KAT6A: variants seen among roughly 807,000 people sequenced by gnomAD.
KAT6A encodes lysine acetyltransferase 6A.
A neutral mutation model predicts 198.4 loss-of-function variants in KAT6A; 9 were observed. That is an observed-to-expected ratio of 0.05 (90% CI 0.03 to 0.08). The LOEUF (loss-of-function observed/expected upper bound fraction) is 0.08. Ranked by LOEUF, KAT6A falls within the 10% of genes least tolerant of loss-of-function variation. KAT6A has a pLI of 1.00. For missense variants in KAT6A, 2,077 were observed against 2,509.9 expected, an observed-to-expected ratio of 0.83 and a Z score of 3.69; for synonymous variants, 890 against 883.0, an observed-to-expected ratio of 1.01 and a Z score of -0.14.
intron 2 of KAT6A, among the ~76,000 whole-genome samples, chr8:41,994,146 T>C (rs774918858): frequency 1.3e-5 from 2 of 152,218 alleles, no homozygotes; most frequent in Admixed American, 6.5e-5. Flanking sequence ...TCCCATGATC[T>C]ATATAAAGTA....
rs562353300 is a variant in KAT6A at position 41,937,168 on chromosome 8, T to C, written c.3352+88A>G. ...CTTGCTTAGTGGGTTGTGTTCATTT[T>C]TCAGCCTTTTTACTGAAGGGTCTGT... is the stretch of plus-strand genomic sequence containing the variant. On this transcript the variant is annotated intron_variant, in intron 16 of 16. Transcript: ENST00000265713. 17 of 1,025,986 alleles carry C rather than the reference T, an allele frequency of 1.7e-5. No homozygotes were observed. In the African/African-American group the frequency reaches 2.7e-4, roughly 16 times the overall value. 63.6% of individuals were successfully genotyped at this position (1,025,986 alleles called of 1,614,324 possible). A position where few individuals can be genotyped will look rare whatever the true frequency, so the allele number is the denominator to read the frequency against.
intron 10 of KAT6A, 142 bp from the exon 11 acceptor site, chr8:41,948,054 A>T: frequency 1.7e-6 from 1 of 575,892 alleles, no homozygotes; most frequent in Non-Finnish European, 2.8e-6. Context: ...GGAACCTGGA[A>T]GCCATCCTTT....
chr8:41,960,297 A>C (rs994393047), intron 8 of KAT6A, among the ~76,000 whole-genome samples: 17 of 152,012 alleles, frequency 1.1e-4, no homozygotes, highest in African/African-American at 3.6e-4. Flanking sequence ...TGGTCTGGTT[A>C]GGCCGGGCGC....
At chr8:41,961,124 A>G (rs941377982) in intron 8 of KAT6A, among the ~76,000 whole-genome samples, 9 of 152,132 alleles carry the variant, frequency 5.9e-5, no homozygotes, top group Admixed American at 6.5e-5. Context: ...TCAAGCCTCC[A>G]ACACTGCTTA....
chr8:41,970,442 T>C (rs1377671293), intron 8 of KAT6A, among the ~76,000 whole-genome samples: 1 of 152,152 alleles, frequency 6.6e-6, no homozygotes, highest in Non-Finnish European at 1.5e-5. Context: ...TTAACTCTCT[T>C]TGGTCATCCT....
Position 41,932,563 on chromosome 8 carries a change from G to A in KAT6A, c.5657C>T (p.Ala1886Val). ...GRSPSAVAMQAGPRALAVQRG... is the reference protein window; with the variant it reads ...GRSPSAVAMQVGPRALAVQRG... ...CTGAACAGCCAGTGCGCGAGGGCCA[G>A]CCTGCATGGCAACTGCCGATGGGCT... Residue 1886 changes from alanine to valine, a missense_variant, in exon 17 of 17, where the codon GCT becomes GTT. Ala to Val is a moderately conservative substitution (Grantham distance 64). Coordinates refer to ENST00000265713, the MANE Select transcript of KAT6A (RefSeq NM_006766.5). The A allele has an allele frequency of 6.2e-7, 1 of 1,614,270 alleles. No homozygotes were observed. Among genetic ancestry groups the A allele is most frequent in the Non-Finnish European group, 8.5e-7 (1 of 1,180,044 alleles).
At chr8:41,966,365 G>A (rs936675655) in intron 8 of KAT6A, among the ~76,000 whole-genome samples, 5 of 152,010 alleles carry the variant, frequency 3.3e-5, no homozygotes, top group Non-Finnish European at 1.5e-5. Flanking sequence ...CAGTACAATA[G>A]TACAATAAGA....
At chr8:42,042,607 T>C (rs1340694523) in intron 2 of KAT6A, among the ~76,000 whole-genome samples, 1 of 152,190 alleles carries the variant, frequency 6.6e-6, no homozygotes, top group Non-Finnish European at 1.5e-5. Flanking sequence ...AGATGTAACT[T>C]AGAGTAGAAG....
intron 14 of KAT6A, chr8:41,942,126 A>G (rs62508250): frequency 0.011 from 2,318 of 202,942 alleles, 30 homozygotes; most frequent in Non-Finnish European, 0.016. Context: ...GAGCTATAAA[A>G]GTATGCATCA....
At chr8:42,041,586 A>C (rs906224491) in intron 2 of KAT6A, among the ~76,000 whole-genome samples, 4 of 152,104 alleles carry the variant, frequency 2.6e-5, no homozygotes, top group African/African-American at 9.7e-5. Context: ...AAAAATACAA[A>C]AATTAGGTAG....
chr8:42,035,323 A>G (rs1239106637), intron 2 of KAT6A, among the ~76,000 whole-genome samples: 1 of 152,218 alleles, frequency 6.6e-6, no homozygotes, highest in Non-Finnish European at 1.5e-5. Context: ...ATTCCATCTG[A>G]GCCATTGTGA....
intron 9 of KAT6A, among the ~76,000 whole-genome samples, chr8:41,950,357 A>C (rs1822601972): frequency 6.6e-6 from 1 of 152,230 alleles, no homozygotes; most frequent in Non-Finnish European, 1.5e-5. Flanking sequence ...CAGGTGACCT[A>C]CAACTGCCAG....
At chr8:41,952,444 C>T (rs572354252) in intron 9 of KAT6A, among the ~76,000 whole-genome samples, 4 of 152,276 alleles carry the variant, frequency 2.6e-5, no homozygotes, top group Non-Finnish European at 5.9e-5. Context: ...GAGTAGGTTT[C>T]GCAATGAACC....
At chr8:42,006,228 C>T (rs1825737160) in intron 2 of KAT6A, among the ~76,000 whole-genome samples, 1 of 152,278 alleles carries the variant, frequency 6.6e-6, no homozygotes, top group Admixed American at 6.5e-5. Flanking sequence ...TCTTAGCACT[C>T]TTGTAAGTAG....
At chr8:42,020,011 T>C (rs1222582832) in intron 2 of KAT6A, among the ~76,000 whole-genome samples, 2 of 152,208 alleles carry the variant, frequency 1.3e-5, no homozygotes, top group South Asian at 2.1e-4. Flanking sequence ...CATATTCAAA[T>C]GCAAATGAAT....
chr8:42,014,837 G>A (rs1410596246), intron 2 of KAT6A, among the ~76,000 whole-genome samples: 2 of 152,160 alleles, frequency 1.3e-5, no homozygotes, highest in Non-Finnish European at 2.9e-5. Context: ...AAATACTTCG[G>A]TACATGCAGT....
chr8:42,030,333 C>T (rs1173074211), intron 2 of KAT6A, among the ~76,000 whole-genome samples: 2 of 152,190 alleles, frequency 1.3e-5, no homozygotes, highest in African/African-American at 4.8e-5. Flanking sequence ...CGGCTCCAAG[C>T]CAATCCCAGC....
chr8:42,025,431 T>C (rs1476423781), intron 2 of KAT6A, among the ~76,000 whole-genome samples: 7 of 76,522 alleles, frequency 9.1e-5, no homozygotes, highest in Non-Finnish European at 1.4e-4. Flanking sequence ...TAGGCTGGTC[T>C]CGAACTCCTA....
Position 41,943,873 on chromosome 8 carries a change from C to T in KAT6A, c.2103G>A (p.Glu701=). 2 of 1,613,898 alleles carry T rather than the reference C, an allele frequency of 1.2e-6. No homozygotes were observed. Among genetic ancestry groups the T allele is most frequent in the Non-Finnish European group, 1.7e-6 (2 of 1,179,924 alleles). Residue 701 remains glutamate (E), a synonymous_variant, in exon 13 of 17, where the codon GAG becomes GAA. Transcript: ENST00000265713. ...GCTTGTCATTTTGGTGATAAAGGCA[C>T]TCCAATATTACACTTTTCCAATATG... ...YMAYWKSVIL[E]CLYHQNDKQI... is the part of the protein sequence containing the mutation.
Sources: gnomAD v4.1 joint callset for allele counts (sites outside exome capture counted in the v4.1 genomes callset) on GRCh38, gnomAD v4.1.1 for gene constraint, MANE v1.5 for transcripts, NCBI Gene and HGNC (gene_info 2026-07-23, HGNC 2026-07-21) for gene names.